PLXNC1: variants seen among roughly 807,000 people sequenced by gnomAD.
PLXNC1 encodes the protein plexin C1.
PLXNC1 carries 75 observed loss-of-function variants against 178.2 expected under a neutral mutation model. That is an observed-to-expected ratio of 0.42 (90% confidence interval 0.35 to 0.51). The LOEUF (loss-of-function observed/expected upper bound fraction) is 0.51. PLXNC1 is among the 20% of genes least tolerant of loss of function. PLXNC1 has a pLI of 0.02. For missense variants in PLXNC1, 1,503 were observed against 1,984.4 expected (o/e 0.76, Z 4.61); for synonymous variants, 790 against 779.9 (o/e 1.01, Z -0.22).
At chr12:94,189,719 G>A (rs1962654878) in intron 4 of PLXNC1, among the ~76,000 whole-genome samples, 1 of 152,094 alleles carries the variant, frequency 6.6e-6, no homozygotes. Flanking sequence ...AATTGGAAAG[G>A]GGAATTATTG....
chr12:94,247,863 G>T (rs369217647), intron 12 of PLXNC1, 40 bp from the exon 13 acceptor site: 1 of 1,580,544 alleles, frequency 6.3e-7, no homozygotes, highest in Non-Finnish European at 8.7e-7. Context: ...GCTGGGATTC[G>T]TTAACAAAGT....
intron 23 of PLXNC1, among the ~76,000 whole-genome samples, chr12:94,286,919 TA>T (rs1354121428): frequency 6.6e-6 from 1 of 152,064 alleles, no homozygotes; most frequent in Non-Finnish European, 1.5e-5. Context: ...ATGACAAAAA[TA>T]TAGCATCTCA....
At chr12:94,287,007 C>T (rs1966851946) in intron 23 of PLXNC1, among the ~76,000 whole-genome samples, 1 of 152,198 alleles carries the variant, frequency 6.6e-6, no homozygotes, top group Non-Finnish European at 1.5e-5. Context: ...CTTGGCAACC[C>T]CCAGCACCGG....
At position 94,177,201 on chromosome 12, in the gene PLXNC1, G is replaced by A. The variant is rs1470841329; in HGVS notation, c.1204-4245G>A. 1.8e-4 allele frequency among the ~76,000 whole-genome samples: 11 copies of A among 61,690 alleles called. 1 individual carries two copies. The highest frequency in any genetic ancestry group is 3.9e-4 in the African/African-American group (6 of 15,264). The allele number at this position is 61,690 out of a possible 152,430, so 40.5% of individuals were successfully genotyped here. On this transcript the variant is annotated intron_variant, in intron 2 of 30. Coordinates refer to ENST00000258526, the MANE Select transcript of PLXNC1 (RefSeq NM_005761.3). ...CGTATATATATGTATATATATATAC[G>A]TATATATATATGTGTGTGTATATAT...
At chr12:94,163,114 C>A (rs768517899) in intron 1 of PLXNC1, among the ~76,000 whole-genome samples, 8 of 152,064 alleles carry the variant, frequency 5.3e-5, no homozygotes, top group Non-Finnish European at 1.2e-4. Flanking sequence ...ACCTGTAATG[C>A]CAGCACTTTG....
intron 4 of PLXNC1, among the ~76,000 whole-genome samples, chr12:94,195,011 G>T (rs1962863876): frequency 6.6e-6 from 1 of 152,026 alleles, no homozygotes; most frequent in Non-Finnish European, 1.5e-5. Context: ...GGCATTTCAG[G>T]CAGAAGAATC....
intron 21 of PLXNC1, among the ~76,000 whole-genome samples, chr12:94,266,049 G>A (rs544629515): frequency 1.3e-5 from 2 of 152,306 alleles, no homozygotes; most frequent in East Asian, 3.9e-4. Flanking sequence ...GCTTCTTCAC[G>A]ATCTCGTTAG....
At chr12:94,269,856 C>A (rs140450251) in intron 21 of PLXNC1, among the ~76,000 whole-genome samples, 2 of 152,296 alleles carry the variant, frequency 1.3e-5, no homozygotes, top group Non-Finnish European at 2.9e-5. Context: ...AAGAGTGAAA[C>A]CACTTTTTAC....
chr12:94,170,416 A>T (rs1448576402), intron 2 of PLXNC1, among the ~76,000 whole-genome samples: 1 of 152,084 alleles, frequency 6.6e-6, no homozygotes, highest in Non-Finnish European at 1.5e-5. Context: ...ACACTTGCTC[A>T]CACTGTACCT....
intron 3 of PLXNC1, among the ~76,000 whole-genome samples, chr12:94,185,444 G>A (rs759936891): frequency 9.9e-5 from 15 of 152,198 alleles, no homozygotes; most frequent in Admixed American, 7.2e-4. Context: ...CCTGCTGTGT[G>A]GTTTTGCCTG....
At chr12:94,212,273 C>CAAAA (rs146191533) in intron 5 of PLXNC1, among the ~76,000 whole-genome samples, 11 of 89,132 alleles carry the variant, frequency 1.2e-4, no homozygotes, top group East Asian at 3.3e-4. Flanking sequence ...GACTCCGTCT[C>CAAAA]AAAAAAAAAA....
At chr12:94,162,249 A>G (rs1203500361) in intron 1 of PLXNC1, among the ~76,000 whole-genome samples, 1 of 152,202 alleles carries the variant, frequency 6.6e-6, no homozygotes, top group African/African-American at 2.4e-5. Context: ...CCAGCCTACA[A>G]GGGAGTGAAG....
At chr12:94,173,835 G>A (rs1388014122) in intron 2 of PLXNC1, among the ~76,000 whole-genome samples, 2 of 152,150 alleles carry the variant, frequency 1.3e-5, no homozygotes, top group Non-Finnish European at 2.9e-5. Flanking sequence ...TTCCTATTTG[G>A]GGATGGCTTC....
At chr12:94,250,586 A>G (rs1425910222) in intron 14 of PLXNC1, among the ~76,000 whole-genome samples, 2 of 152,180 alleles carry the variant, frequency 1.3e-5, no homozygotes, top group East Asian at 1.9e-4. Flanking sequence ...TACATCAGTG[A>G]AATAATTAAG....
intron 1 of PLXNC1, among the ~76,000 whole-genome samples, chr12:94,159,202 A>G (rs1961286210): frequency 6.6e-6 from 1 of 152,260 alleles, no homozygotes; most frequent in Non-Finnish European, 1.5e-5. Flanking sequence ...TTAAGATGAT[A>G]GCTAAAATTT....
intron 15 of PLXNC1, 137 bp downstream of exon 15, chr12:94,251,665 A>G: frequency 1.5e-6 from 1 of 673,050 alleles, no homozygotes; most frequent in Non-Finnish European, 2.7e-6. Flanking sequence ...ACTTTGAGAA[A>G]CGAATAATAG....
chr12:94,193,877 A>G (rs1372951199), intron 4 of PLXNC1, among the ~76,000 whole-genome samples: 1 of 152,196 alleles, frequency 6.6e-6, no homozygotes, highest in Non-Finnish European at 1.5e-5. Flanking sequence ...GGACTTCCAC[A>G]CTGGCAACAT....
At chr12:94,180,476 C>A (rs1962264541) in intron 2 of PLXNC1, among the ~76,000 whole-genome samples, 1 of 152,188 alleles carries the variant, frequency 6.6e-6, no homozygotes. Context: ...CATACACACA[C>A]AGGAATGTAA....
chr12:94,305,548 G>T lies in PLXNC1; in HGVS notation c.*263G>T. Reference sequence around the variant, plus strand: ...GCCTCCTTGTTTACAGAGAATACAAGGCCAGTAAGCGAATGTCAGTATTGT... The same window carrying T: ...GCCTCCTTGTTTACAGAGAATACAATGCCAGTAAGCGAATGTCAGTATTGT... On this transcript the variant is annotated 3_prime_UTR_variant, in exon 31 of 31. Transcript: ENST00000258526. 1 of 391,628 alleles carries T rather than the reference G, an allele frequency of 2.6e-6. No individual in the cohort carries two copies. The highest frequency in any genetic ancestry group is 4.6e-6 in the Non-Finnish European group (1 of 216,034). 24.3% of individuals were successfully genotyped at this position (391,628 alleles called of 1,614,324 possible). A position where few individuals can be genotyped will look rare whatever the true frequency, so the allele number is the denominator to read the frequency against.
Sources: allele counts gnomAD v4.1 joint callset (sites outside exome capture counted in the v4.1 genomes callset), GRCh38; gene constraint gnomAD v4.1.1; transcripts MANE v1.5; gene names NCBI Gene and HGNC (gene_info 2026-07-23, HGNC 2026-07-21).